Variants in ANKRD6 observed in about 807,000 individuals in gnomAD.
The protein encoded by ANKRD6 is ankyrin repeat domain-containing protein 6.
Under a neutral mutation model 82.3 loss-of-function variants are expected in ANKRD6, and 56 were observed. The observed-to-expected ratio is 0.68, with a 90% CI of 0.55 to 0.85. The LOEUF (loss-of-function observed/expected upper bound fraction) is 0.85, where lower values mean the gene tolerates loss of function less well. Among genes scored for constraint, ANKRD6 ranks in the 40% least tolerant of loss-of-function variants. ANKRD6 has a pLI of 0.00. For synonymous variants in ANKRD6, 347 were observed against 352.1 expected (o/e 0.99, Z 0.16); for missense variants, 852 against 907.6 (o/e 0.94, Z 0.79).
intron 15 of ANKRD6, 26 bp from the exon 16 acceptor site, chr6:89,630,407 C>A: frequency 6.3e-7 from 1 of 1,590,526 alleles, no homozygotes; most frequent in Non-Finnish European, 8.6e-7. Flanking sequence ...GATTTGCTCT[C>A]ACGTTTGTTT....
chr6:89,457,455 A>T (rs1773622789), intron 1 of ANKRD6, among the ~76,000 whole-genome samples: 1 of 152,238 alleles, frequency 6.6e-6, no homozygotes, highest in South Asian at 2.1e-4. Flanking sequence ...TCAAAATTAA[A>T]CATTACTAAA....
intron 2 of ANKRD6, among the ~76,000 whole-genome samples, chr6:89,572,862 T>G (rs1790253293): frequency 1.3e-5 from 2 of 152,234 alleles, no homozygotes; most frequent in South Asian, 4.1e-4. Flanking sequence ...TTCTATTATA[T>G]TTCACAGGTT....
intron 1 of ANKRD6, among the ~76,000 whole-genome samples, chr6:89,436,330 T>G (rs1181964311): frequency 6.6e-6 from 1 of 152,204 alleles, no homozygotes; most frequent in East Asian, 1.9e-4. Context: ...AACCCAGCTT[T>G]GCAAAGATGT....
chr6:89,586,156 T>G (rs1337161193), intron 2 of ANKRD6, among the ~76,000 whole-genome samples: 2 of 152,226 alleles, frequency 1.3e-5, no homozygotes, highest in African/African-American at 2.4e-5. Context: ...TTTATGAGAA[T>G]AATAATACAG....
At chr6:89,590,755 C>T (rs770273454) in intron 2 of ANKRD6, among the ~76,000 whole-genome samples, 2 of 152,006 alleles carry the variant, frequency 1.3e-5, no homozygotes, top group Admixed American at 1.3e-4. Flanking sequence ...AGATGGCTGA[C>T]GGGGTGAATC....
rs189403028 is a variant in ANKRD6, at chr6:89,470,115, A to T, written c.-144+36740A>T. Among the ~76,000 whole-genome samples the T allele has an allele frequency of 9.2e-5, 14 of 152,316 alleles. No homozygotes were observed. The South Asian group carries it at 2.7e-3, about 29-fold the overall frequency. On this transcript the variant is annotated intron_variant, in intron 1 of 15. Transcript: ENST00000339746. ...AGAGATAAATTACTTTTCACTAAAC[A>T]TCCTCTCTCACTGCACACACATACA...
chr6:89,454,550 A>G (rs1454304866), intron 1 of ANKRD6, among the ~76,000 whole-genome samples: 2 of 152,248 alleles, frequency 1.3e-5, no homozygotes, highest in Non-Finnish European at 2.9e-5. Flanking sequence ...TCTGTTAATT[A>G]CATAGTGAGC....
chr6:89,576,688 C>T (rs1334413666), intron 2 of ANKRD6, among the ~76,000 whole-genome samples: 1 of 152,132 alleles, frequency 6.6e-6, no homozygotes, highest in Non-Finnish European at 1.5e-5. Flanking sequence ...GCACTCCTAT[C>T]CCTGAAGCTC....
chr6:89,512,914 T>C (rs9451234), intron 1 of ANKRD6, among the ~76,000 whole-genome samples: 140,864 of 152,104 alleles, frequency 0.93, 65,344 homozygotes, highest in East Asian at 1. Flanking sequence ...TTTTTCCTTT[T>C]TTTCTTTCTT....
intron 1 of ANKRD6, among the ~76,000 whole-genome samples, chr6:89,524,887 ATT>A (rs1260121151): frequency 4.8e-5 from 7 of 145,240 alleles, no homozygotes; most frequent in Admixed American, 4.8e-4. Flanking sequence ...GCCAACATCT[ATT>A]TTTTTTTTTT....
At chr6:89,613,633 C>T (rs566479418) in intron 6 of ANKRD6, among the ~76,000 whole-genome samples, 159 bp from the exon 7 acceptor site, 6 of 152,320 alleles carry the variant, frequency 3.9e-5, no homozygotes, top group South Asian at 4.1e-4. Flanking sequence ...CAAAGAATGG[C>T]GAGCCTTGGG....
chr6:89,595,126 G>A (rs900273645), intron 2 of ANKRD6, among the ~76,000 whole-genome samples: 1 of 152,120 alleles, frequency 6.6e-6, no homozygotes, highest in African/African-American at 2.4e-5. Context: ...CACTTCGGGA[G>A]GCCAAGGCGG....
At chr6:89,473,803 A>C (rs1367507726) in intron 1 of ANKRD6, among the ~76,000 whole-genome samples, 1 of 151,758 alleles carries the variant, frequency 6.6e-6, no homozygotes, top group African/African-American at 2.4e-5. Flanking sequence ...ACATGGTGAA[A>C]CCTCATCTCT....
At chr6:89,527,601 CAAAAAAAAAAAAAAAAAA>C (rs35855223) in intron 1 of ANKRD6, among the ~76,000 whole-genome samples, 1 of 45,684 alleles carries the variant, frequency 2.2e-5, no homozygotes, top group Non-Finnish European at 3.8e-5. Flanking sequence ...GACTCCGTCT[CAAAAAAAAAAAAAAAAAA>C]AAAAAAAGAA....
chr6:89,589,317 T>C (rs1421879508), intron 2 of ANKRD6, among the ~76,000 whole-genome samples: 1 of 152,172 alleles, frequency 6.6e-6, no homozygotes, highest in East Asian at 1.9e-4. Flanking sequence ...CTGTAGGTTG[T>C]AGTTCTCAAA....
intron 1 of ANKRD6, among the ~76,000 whole-genome samples, chr6:89,553,399 C>G (rs1039240403): frequency 1.3e-5 from 2 of 152,134 alleles, no homozygotes; most frequent in African/African-American, 4.8e-5. Flanking sequence ...CCTCTGTCCT[C>G]TGTGGGATAG....
intron 1 of ANKRD6, among the ~76,000 whole-genome samples, chr6:89,442,726 CA>C (rs1225155031): frequency 6.6e-6 from 1 of 151,058 alleles, no homozygotes; most frequent in Non-Finnish European, 1.5e-5. Context: ...CAATTGGTTG[CA>C]AAAGTTATTA....
At chr6:89,480,965 A>G (rs1480409187) in intron 1 of ANKRD6, among the ~76,000 whole-genome samples, 2 of 142,448 alleles carry the variant, frequency 1.4e-5, no homozygotes, top group African/African-American at 5.1e-5. Context: ...ATAGAAGAAG[A>G]AGAAGAAGCA....
chr6:89,632,832 AC>A lies in ANKRD6; in HGVS notation c.*1830del, dbSNP rs956151560. On this transcript the variant is annotated 3_prime_UTR_variant, in exon 16 of 16. Transcript: ENST00000339746. ...TCTATTCTCAAACAGGATATCACTA[AC>A]CTCTTTAGAATCATTCCTCAGTATA... 3 of 152,154 alleles carry A rather than the reference AC, an allele frequency of 2.0e-5. No homozygotes were observed. The highest frequency in any genetic ancestry group is 2.0e-4 in the Admixed American group (3 of 15,270). The allele number at this position is 152,154 out of a possible 1,614,324, so 9.4% of individuals were successfully genotyped here. A position where few individuals can be genotyped will look rare whatever the true frequency, so the allele number is the denominator to read the frequency against.
Sources: allele counts gnomAD v4.1 joint callset (sites outside exome capture counted in the v4.1 genomes callset), GRCh38; gene constraint gnomAD v4.1.1; transcripts MANE v1.5; gene names NCBI Gene and HGNC (gene_info 2026-07-23, HGNC 2026-07-21).